The following LIMCH1 variants were observed in gnomAD, a reference collection of about 807,000 sequenced individuals.
The protein encoded by LIMCH1 is LIM and calponin homology domains-containing protein 1.
A neutral mutation model predicts 176.5 loss-of-function variants in LIMCH1; 113 were observed. The observed-to-expected ratio is 0.64, with a 90% CI of 0.55 to 0.75. LIMCH1 has a LOEUF of 0.75. Ranked by LOEUF, LIMCH1 falls within the 30% of genes least tolerant of loss-of-function variation. The pLI is 0.00. For missense variants in LIMCH1, 1,674 were observed against 1,814.9 expected (o/e 0.92, Z 1.41); for synonymous variants, 619 against 645.9 (o/e 0.96, Z 0.63).
At chr4:41,489,782 A>G (rs2070409192) in intron 1 of LIMCH1, among the ~76,000 whole-genome samples, 1 of 152,118 alleles carries the variant, frequency 6.6e-6, no homozygotes, top group African/African-American at 2.4e-5. Context: ...CCCTTGAACA[A>G]TGCAAGGTTC....
At chr4:41,643,254 T>G (rs1002255856) in intron 14 of LIMCH1, among the ~76,000 whole-genome samples, 5 of 152,162 alleles carry the variant, frequency 3.3e-5, no homozygotes. Context: ...TGTCTGGCCA[T>G]GGGAGTAACA....
intron 1 of LIMCH1, among the ~76,000 whole-genome samples, chr4:41,483,824 T>G (rs1478657373): frequency 6.6e-6 from 1 of 152,224 alleles, no homozygotes; most frequent in African/African-American, 2.4e-5. Context: ...CCTGACTGTC[T>G]TAGGAGAGAG....
chr4:41,609,026 A>T (rs1246779670), intron 4 of LIMCH1, among the ~76,000 whole-genome samples: 1 of 152,006 alleles, frequency 6.6e-6, no homozygotes, highest in Non-Finnish European at 1.5e-5. Flanking sequence ...AATTCCTAGT[A>T]ATGTACCCTG....
intron 1 of LIMCH1, among the ~76,000 whole-genome samples, chr4:41,407,225 T>G (rs1189995339): frequency 1.3e-5 from 2 of 152,182 alleles, no homozygotes; most frequent in Non-Finnish European, 2.9e-5. Flanking sequence ...CACTGGGTGC[T>G]TCCCTGTCAT....
At chr4:41,492,171 C>A (rs891887434) in intron 1 of LIMCH1, among the ~76,000 whole-genome samples, 4 of 152,188 alleles carry the variant, frequency 2.6e-5, no homozygotes, top group South Asian at 4.1e-4. Context: ...GAGGCCGAGG[C>A]GGGCAGATCA....
intron 1 of LIMCH1, among the ~76,000 whole-genome samples, chr4:41,487,506 G>A (rs1424968393): frequency 6.6e-6 from 1 of 152,030 alleles, no homozygotes; most frequent in East Asian, 1.9e-4. Flanking sequence ...TACATCTTGG[G>A]GGACTTTTGA....
Position 41,633,097 on chromosome 4 carries a change from G to A in LIMCH1, c.1829+12G>A. The A allele has an allele frequency of 6.6e-7, 1 of 1,514,196 alleles. No individual in the cohort carries two copies. The highest frequency in any genetic ancestry group is 2.0e-5 in the Admixed American group (1 of 50,978). The allele number at this position is 1,514,196 out of a possible 1,614,324, so 93.8% of individuals were successfully genotyped here. A position where few individuals can be genotyped will look rare whatever the true frequency, so the allele number is the denominator to read the frequency against. ...AGCAGCCAGCCACTGTGAGCATCTTGCCTGCGCTCTGCTCCGTGGTGTGTT... is the reference window on the plus strand; with the variant it reads ...AGCAGCCAGCCACTGTGAGCATCTTACCTGCGCTCTGCTCCGTGGTGTGTT... On this transcript the variant is annotated intron_variant, in intron 12 of 31. Coordinates refer to ENST00000503057, the MANE Select transcript of LIMCH1 (RefSeq NM_001330672.2).
chr4:41,393,558 T>C (rs1282229617), intron 1 of LIMCH1, among the ~76,000 whole-genome samples: 1 of 152,204 alleles, frequency 6.6e-6, no homozygotes, highest in African/African-American at 2.4e-5. Context: ...CATGTATAGC[T>C]AGTTAGTCCC....
In LIMCH1 at chr4:41,698,867, A is replaced by G. The variant is rs1219599484; in HGVS notation, c.*1682A>G. On this transcript the variant is annotated 3_prime_UTR_variant, in exon 32 of 32. Coordinates refer to ENST00000503057, the MANE Select transcript of LIMCH1 (RefSeq NM_001330672.2). ...TAAAAATTGTGCCTTAGAAAACGCA[A>G]AGCTGTTGCACATGGCGATAAATTA... 1 of 152,668 alleles carries G rather than the reference A, an allele frequency of 6.6e-6. No individual in the cohort carries two copies. The highest frequency in any genetic ancestry group is 1.5e-5 in the Non-Finnish European group (1 of 68,042). The allele number at this position is 152,668 out of a possible 1,614,324, so 9.5% of individuals were successfully genotyped here.
intron 1 of LIMCH1, among the ~76,000 whole-genome samples, chr4:41,570,418 C>G (rs56880661): frequency 0.059 from 8,922 of 152,274 alleles, 845 homozygotes; most frequent in African/African-American, 0.2. Flanking sequence ...GAAGTTTAAG[C>G]CTTGCTTTTG....
chr4:41,430,487 C>G (rs980339047), intron 1 of LIMCH1, among the ~76,000 whole-genome samples: 1 of 152,346 alleles, frequency 6.6e-6, no homozygotes, highest in East Asian at 1.9e-4. Context: ...TGGTCTCGAT[C>G]TCCTGACCTC....
intron 1 of LIMCH1, among the ~76,000 whole-genome samples, chr4:41,594,267 T>C (rs1348105316): frequency 6.6e-6 from 1 of 152,254 alleles, no homozygotes; most frequent in East Asian, 1.9e-4. Context: ...TTGTTTTACA[T>C]GACATTGACT....
chr4:41,674,984 G>A (rs1274437980), intron 22 of LIMCH1, among the ~76,000 whole-genome samples: 1 of 152,140 alleles, frequency 6.6e-6, no homozygotes, highest in Non-Finnish European at 1.5e-5. Flanking sequence ...CTAATGTGCA[G>A]TGTGAAACTC....
rs950052915 is a variant in LIMCH1 at position 41,646,217 on chromosome 4, G to A, written c.2348G>A (p.Gly783Glu). The change falls in exon 16 of 32, where the codon GGA becomes GAA. Residue 783 changes from glycine to glutamate, a missense_variant. By Grantham distance (98) the Gly-to-Glu change is moderately conservative. Coordinates refer to ENST00000503057, the MANE Select transcript of LIMCH1 (RefSeq NM_001330672.2). ...ERKKMEKLLA[G>E]EDGTSERRKS... ...AAAAAAATGGAGAAGTTACTGGCTG[G>A]AGAAGATGGGACAAGTGAACGAAGG... 5 of 1,613,942 alleles carry A rather than the reference G, an allele frequency of 3.1e-6. No homozygotes were observed. The African/African-American group carries it at 6.7e-5, about 22-fold the overall frequency.
At chr4:41,547,723 CATATATA>C (rs1308179336) in intron 1 of LIMCH1, among the ~76,000 whole-genome samples, 5 of 141,388 alleles carry the variant, frequency 3.5e-5, no homozygotes, top group African/African-American at 1.0e-4. Context: ...CACATATATA[CATATATA>C]ATATATACAT....
chr4:41,592,665 T>C (rs2087855335), intron 1 of LIMCH1, among the ~76,000 whole-genome samples: 1 of 152,134 alleles, frequency 6.6e-6, no homozygotes. Context: ...GTGTTCTTAA[T>C]GTATATTTTC....
chr4:41,551,030 A>C (rs2080335038), intron 1 of LIMCH1: 1 of 152,206 alleles, frequency 6.6e-6, no homozygotes, highest in Non-Finnish European at 1.5e-5. Flanking sequence ...ATCTAGGTTT[A>C]AAAGAAATTC....
intron 1 of LIMCH1, among the ~76,000 whole-genome samples, chr4:41,361,570 G>GCCCCTCT (rs2052062202): frequency 6.6e-6 from 1 of 152,190 alleles, no homozygotes; most frequent in Non-Finnish European, 1.5e-5. Context: ...GGCAACCCCC[G>GCCCCTCT]CCCCTCTCCA....
At chr4:41,677,608 G>A (rs1711947336) in intron 23 of LIMCH1, among the ~76,000 whole-genome samples, 1 of 152,132 alleles carries the variant, frequency 6.6e-6, no homozygotes, top group Admixed American at 6.5e-5. Context: ...GATGTGCCAG[G>A]AACTGAGGTT....
Sources: gnomAD v4.1 joint callset for allele counts (sites outside exome capture counted in the v4.1 genomes callset) on GRCh38, gnomAD v4.1.1 for gene constraint, MANE v1.5 for transcripts, NCBI Gene and HGNC (gene_info 2026-07-23, HGNC 2026-07-21) for gene names.